MAP3K8: variants seen among roughly 807,000 people sequenced by gnomAD.
MAP3K8 encodes the protein Ewing sarcoma transformant.
Under a neutral mutation model 45.8 loss-of-function variants are expected in MAP3K8, and 22 were observed. The observed-to-expected ratio is 0.48, with a 90% CI of 0.34 to 0.69. The LOEUF (loss-of-function observed/expected upper bound fraction) is 0.69. Among genes scored for constraint, MAP3K8 ranks in the 30% least tolerant of loss-of-function variants. The pLI is 0.01. For synonymous variants in MAP3K8, 223 were observed against 214.3 expected (o/e 1.04, Z -0.36); for missense variants, 419 against 585.0 (o/e 0.72, Z 2.93).
At chr10:30,454,765 T>G (rs74871899) in intron 6 of MAP3K8, among the ~76,000 whole-genome samples, 1 of 151,848 alleles carries the variant, frequency 6.6e-6, no homozygotes, top group Non-Finnish European at 1.5e-5. Context: ...TTTTTTTTTT[T>G]AAGAATGCTT....
At chr10:30,457,925 G>T (rs1836793819) in intron 6 of MAP3K8, among the ~76,000 whole-genome samples, 159 bp from the exon 7 acceptor site, 1 of 152,196 alleles carries the variant, frequency 6.6e-6, no homozygotes, top group South Asian at 2.1e-4. Context: ...TCATCAGACT[G>T]CAGGGACACC....
intron 4 of MAP3K8, among the ~76,000 whole-genome samples, chr10:30,448,511 C>T (rs1836424730): frequency 1.3e-5 from 2 of 151,658 alleles, no homozygotes; most frequent in Non-Finnish European, 2.9e-5. Flanking sequence ...CGGCTCACTG[C>T]AACCTCTACC....
intron 3 of MAP3K8, chr10:30,439,568 G>T (rs899146283): frequency 3.7e-6 from 2 of 539,870 alleles, no homozygotes; most frequent in Admixed American, 7.0e-5. Context: ...CGCGCACTTG[G>T]AGAGGCCGAG....
chr10:30,458,510 G>A (rs969866652), intron 7 of MAP3K8, among the ~76,000 whole-genome samples: 1 of 152,376 alleles, frequency 6.6e-6, no homozygotes, highest in East Asian at 1.9e-4. Flanking sequence ...CTACTTAGTA[G>A]CATCAGAGTA....
chr10:30,438,610 T>G (rs541300328), intron 2 of MAP3K8, among the ~76,000 whole-genome samples: 1 of 152,348 alleles, frequency 6.6e-6, no homozygotes, highest in Non-Finnish European at 1.5e-5. Context: ...TGCTCTTGAT[T>G]CGTGTGTATG....
Position 30,450,366 on chromosome 10 carries a change from C to G in MAP3K8, c.613C>G (p.Leu205Val). 1.2e-6 allele frequency: 2 copies of G among 1,614,078 alleles called. No individual in the cohort carries two copies. The highest frequency in any genetic ancestry group is 1.7e-6 in the Non-Finnish European group (2 of 1,180,020). Residue 205 changes from leucine (L) to valine (V), a missense_variant, in exon 5 of 9, where the codon CTC (leucine) becomes GTC (valine). By Grantham distance (32) the Leu-to-Val change is conservative (BLOSUM62 1). Around this residue, in one of 3 missense-constraint regions of MAP3K8, gnomAD observed 209 missense variants for 367.3 expected, o/e 0.57. Coordinates refer to ENST00000263056, the MANE Select transcript of MAP3K8 (RefSeq NM_005204.4). ...GAVLWGETVH[L>V]FMEAGEGGSV... Reference sequence around the variant, plus strand: ...AGTCCTGTGGGGTGAAACTGTCCATCTCTTTATGGAAGCAGGCGAGGGAGG... The same window carrying G: ...AGTCCTGTGGGGTGAAACTGTCCATGTCTTTATGGAAGCAGGCGAGGGAGG...
At chr10:30,448,414 T>TTTA (rs1554773753) in intron 4 of MAP3K8, among the ~76,000 whole-genome samples, 12 of 136,440 alleles carry the variant, frequency 8.8e-5, no homozygotes, top group African/African-American at 3.4e-4. Context: ...CTATCCCAAA[T>TTTA]TTATTATTAT....
chr10:30,454,328 T>A (rs1836660280), intron 6 of MAP3K8, among the ~76,000 whole-genome samples: 1 of 152,180 alleles, frequency 6.6e-6, no homozygotes, highest in South Asian at 2.1e-4. Flanking sequence ...TTGTCTTCCT[T>A]TCAAACCAGA....
intron 6 of MAP3K8, among the ~76,000 whole-genome samples, chr10:30,454,252 G>C (rs1265525007): frequency 6.6e-6 from 1 of 152,094 alleles, no homozygotes; most frequent in Non-Finnish European, 1.5e-5. Context: ...TCAATCAGAT[G>C]ACAACCCTTA....
At chr10:30,459,123 G>A in intron 7 of MAP3K8, 132 bp from the exon 8 acceptor site, 1 of 915,062 alleles carries the variant, frequency 1.1e-6, no homozygotes, top group Non-Finnish European at 1.7e-6. Flanking sequence ...GCTTGCTTAA[G>A]GGCTGAACTG....
intron 1 of MAP3K8, 112 bp from the exon 2 acceptor site, chr10:30,437,064 C>G: frequency 2.3e-6 from 1 of 442,880 alleles, no homozygotes; most frequent in Non-Finnish European, 3.0e-6. Context: ...TGTACAAGAT[C>G]TCAGGAGGGG....
At chr10:30,443,238 T>A (rs1836176763) in intron 3 of MAP3K8, among the ~76,000 whole-genome samples, 1 of 152,220 alleles carries the variant, frequency 6.6e-6, no homozygotes, top group South Asian at 2.1e-4. Context: ...TGCCTCAGTT[T>A]ACTCATTCAT....
chr10:30,434,644 G>A (rs920504251), intron 1 of MAP3K8: 15 of 985,820 alleles, frequency 1.5e-5, no homozygotes, highest in Non-Finnish European at 1.6e-5. Flanking sequence ...CAGCGCCAGG[G>A]CAGTGCTGGT....
intron 6 of MAP3K8, among the ~76,000 whole-genome samples, 187 bp from the exon 7 acceptor site, chr10:30,457,897 C>A (rs146281502): frequency 6.6e-6 from 1 of 152,140 alleles, no homozygotes; most frequent in African/African-American, 2.4e-5. Flanking sequence ...TGAGCCACCG[C>A]GCCCGGCCAG....
At chr10:30,448,749 A>G (rs1253584314) in intron 4 of MAP3K8, among the ~76,000 whole-genome samples, 4 of 152,006 alleles carry the variant, frequency 2.6e-5, no homozygotes, top group Non-Finnish European at 5.9e-5. Flanking sequence ...CTTCTTATTA[A>G]ACAATAACTG....
In MAP3K8 at chr10:30,451,716, A is replaced by G. The variant is rs1397742363; in HGVS notation, c.845A>G (p.Tyr282Cys). 12 of 1,591,752 alleles carry G rather than the reference A, an allele frequency of 7.5e-6. No individual in the cohort carries two copies. Among genetic ancestry groups the G allele is most frequent in the South Asian group, 1.2e-5 (1 of 86,318 alleles). ...AGTGTTCAAATGACCGAAGATGTCT[A>G]TTTTCCTAAGGACCTCCGAGGAACA... is the stretch of plus-strand genomic sequence containing the variant. ...GLSVQMTEDVYFPKDLRGTEI... is the reference protein window; with the variant it reads ...GLSVQMTEDVCFPKDLRGTEI... Residue 282 changes from tyrosine (Y) to cysteine (C), a missense_variant, in exon 6 of 9, where the codon TAT becomes TGT. Transcript: ENST00000263056.
At chr10:30,440,194 C>T (rs944734454) in intron 3 of MAP3K8, among the ~76,000 whole-genome samples, 5 of 152,298 alleles carry the variant, frequency 3.3e-5, no homozygotes, top group East Asian at 1.9e-4. Flanking sequence ...GGGATTCTGT[C>T]AGGCTTTTAG....
intron 4 of MAP3K8, among the ~76,000 whole-genome samples, chr10:30,449,439 G>A (rs1237146647): frequency 6.6e-6 from 1 of 151,960 alleles, no homozygotes; most frequent in Non-Finnish European, 1.5e-5. Flanking sequence ...GATTTAGATG[G>A]GGGTTACATT....
chr10:30,436,426 G>T (rs1835909567), intron 1 of MAP3K8, among the ~76,000 whole-genome samples: 2 of 152,108 alleles, frequency 1.3e-5, no homozygotes, highest in African/African-American at 4.8e-5. Flanking sequence ...ACTGAGAAAA[G>T]TCTCAGCGTC....
Sources: allele counts gnomAD v4.1 joint callset (sites outside exome capture counted in the v4.1 genomes callset), GRCh38; gene constraint gnomAD v4.1.1; regional missense constraint gnomAD v4.1.1; transcripts MANE v1.5; gene names NCBI Gene and HGNC (gene_info 2026-07-23, HGNC 2026-07-21).